The following CTNNA3 variants were observed in gnomAD, a reference collection of about 807,000 sequenced individuals.
The protein encoded by CTNNA3 is catenin alpha-3.
In CTNNA3, 76 loss-of-function variants were observed where a neutral mutation model predicts 95.7. The ratio of observed to expected loss-of-function variants is 0.79; its 90% CI spans 0.66 to 0.96. The LOEUF (loss-of-function observed/expected upper bound fraction) is 0.96, where lower values mean the gene tolerates loss of function less well. Among genes scored for constraint, CTNNA3 ranks in the 40% least tolerant of loss-of-function variants. CTNNA3 has a pLI of 0.00. For synonymous variants in CTNNA3, 431 were observed against 374.4 expected (o/e 1.15, Z -1.74); for missense variants, 1,191 against 1,089.8 (o/e 1.09, Z -1.31).
At chr10:67,360,429 A>C (rs1252034724) in intron 5 of CTNNA3, among the ~76,000 whole-genome samples, 1 of 151,868 alleles carries the variant, frequency 6.6e-6, no homozygotes, top group African/African-American at 2.4e-5. Context: ...AAAAAAAAAA[A>C]AAAAACAAGA....
At chr10:67,662,275 TAATAA>T (rs995381722) in intron 1 of CTNNA3, among the ~76,000 whole-genome samples, 1 of 152,148 alleles carries the variant, frequency 6.6e-6, no homozygotes, top group African/African-American at 2.4e-5. Flanking sequence ...AACAATAACA[TAATAA>T]AATAGAATGA....
At chr10:66,497,155 A>G (rs137996216) in intron 11 of CTNNA3, among the ~76,000 whole-genome samples, 1 of 152,204 alleles carries the variant, frequency 6.6e-6, no homozygotes, top group Admixed American at 6.5e-5. Context: ...TCAATATATA[A>G]ATTTGGGTGG....
chr10:67,409,293 T>C (rs770638244), intron 5 of CTNNA3, among the ~76,000 whole-genome samples: 2 of 152,136 alleles, frequency 1.3e-5, no homozygotes, highest in Non-Finnish European at 2.9e-5. Flanking sequence ...CACGTATGTT[T>C]ATTGCGGCAC....
intron 7 of CTNNA3, among the ~76,000 whole-genome samples, chr10:67,028,648 T>TAA (rs35905009): frequency 0.012 from 1,642 of 142,218 alleles, 20 homozygotes; most frequent in East Asian, 0.033. Context: ...TAGTTCTACT[T>TAA]AAAAAAAAAA....
intron 17 of CTNNA3, among the ~76,000 whole-genome samples, chr10:65,936,152 T>C (rs1020868127): frequency 6.6e-6 from 1 of 152,168 alleles, no homozygotes; most frequent in African/African-American, 2.4e-5. Flanking sequence ...AGTTTACAAT[T>C]GGACTTAGAA....
At chr10:67,691,970 G>A (rs1370025010) in intron 1 of CTNNA3, among the ~76,000 whole-genome samples, 2 of 147,778 alleles carry the variant, frequency 1.4e-5, no homozygotes, top group African/African-American at 2.5e-5. Context: ...CCGGCCAGCC[G>A]CCCCATCCGG....
At chr10:66,040,513 T>C (rs1033011337) in intron 15 of CTNNA3, among the ~76,000 whole-genome samples, 5 of 151,802 alleles carry the variant, frequency 3.3e-5, no homozygotes, top group Non-Finnish European at 7.4e-5. Flanking sequence ...AAAGTAACTA[T>C]GGTACATATA....
intron 12 of CTNNA3, 67 bp downstream of exon 12, chr10:66,379,085 T>C (rs2092816112): frequency 1.5e-6 from 2 of 1,294,120 alleles, no homozygotes; most frequent in Admixed American, 3.4e-5. Context: ...CCCACATGTA[T>C]GAATATTCGT....
rs113490162 is a variant in CTNNA3, at chr10:67,346,519, T to G, written c.580-126649A>C. 7.8e-4 allele frequency among the ~76,000 whole-genome samples: 119 copies of G among 151,708 alleles called. 1 individual carries two copies. The highest frequency in any genetic ancestry group is 2.7e-3 in the African/African-American group (113 of 41,374). Reference sequence around the variant, plus strand: ...CAGATATACTATTCTAGAGTAAAAGTTTTTTTTTCCTTAAGTGCTTTAAAT... The same window carrying G: ...CAGATATACTATTCTAGAGTAAAAGGTTTTTTTTCCTTAAGTGCTTTAAAT... On this transcript the variant is annotated intron_variant, in intron 5 of 17. Coordinates refer to ENST00000433211, the MANE Select transcript of CTNNA3 (RefSeq NM_013266.4).
rs529701389 is a variant in CTNNA3, at chr10:66,867,686, G to A, written c.1048-92162C>T. On this transcript the variant is annotated intron_variant, in intron 7 of 17. Coordinates refer to ENST00000433211, the MANE Select transcript of CTNNA3 (RefSeq NM_013266.4). ...GTCTAAGTTCAAGCCTCACCATGTC[G>A]TTATTGGGAACAAAAAGCAAGTATC... Among the ~76,000 whole-genome samples the A allele has an allele frequency of 8.9e-4, 135 of 152,040 alleles. No individual in the cohort carries two copies. In the South Asian group the frequency reaches 0.025, roughly 29 times the overall value.
rs186919223 is a variant in CTNNA3, at chr10:66,885,240, A to G, written c.1048-109716T>C. Among the ~76,000 whole-genome samples the G allele has an allele frequency of 1.2e-3, 177 of 152,300 alleles. 1 individual carries two copies. Among genetic ancestry groups the G allele is most frequent in the African/African-American group, 4.1e-3 (171 of 41,572 alleles). ...GATTCAGAAGTAGTCTTATTTGGAC[A>G]TATGATATTCAGCAGGACTTTTAAA... On this transcript the variant is annotated intron_variant, in intron 7 of 17. Coordinates refer to ENST00000433211, the MANE Select transcript of CTNNA3 (RefSeq NM_013266.4).
At chr10:67,120,784 C>T (rs1243078807) in intron 7 of CTNNA3, among the ~76,000 whole-genome samples, 6 of 152,034 alleles carry the variant, frequency 3.9e-5, no homozygotes, top group African/African-American at 1.4e-4. Context: ...GAAAAGTTAT[C>T]CTGTTTTGTA....
rs866758989 is a variant in CTNNA3 at position 66,445,236 on chromosome 10, C to T, written c.1532-65884G>A. Reference sequence around the variant, plus strand: ...ACAATAATAATGGGAGACATTAACACCCCACTGTCAACATTAGACAGATTA... The same window carrying T: ...ACAATAATAATGGGAGACATTAACATCCCACTGTCAACATTAGACAGATTA... On this transcript the variant is annotated intron_variant, in intron 11 of 17. Transcript: ENST00000433211. Among the ~76,000 whole-genome samples, 158 of 152,020 alleles carry T rather than the reference C, an allele frequency of 1.0e-3. 1 individual carries two copies. The highest frequency in any genetic ancestry group is 3.4e-3 in the African/African-American group (139 of 41,422).
chr10:66,028,293 C>T (rs1376293790), intron 15 of CTNNA3, among the ~76,000 whole-genome samples: 2 of 152,130 alleles, frequency 1.3e-5, no homozygotes, highest in African/African-American at 4.8e-5. Context: ...AAGACACATG[C>T]ACACATATGT....
intron 7 of CTNNA3, among the ~76,000 whole-genome samples, chr10:66,884,558 T>G (rs1208903064): frequency 6.6e-6 from 1 of 152,128 alleles, no homozygotes; most frequent in Non-Finnish European, 1.5e-5. Flanking sequence ...GAAGCAGATC[T>G]TCCAGTCCCA....
chr10:66,373,850 T>C (rs2092772550), intron 12 of CTNNA3, among the ~76,000 whole-genome samples: 1 of 152,242 alleles, frequency 6.6e-6, no homozygotes, highest in Non-Finnish European at 1.5e-5. Context: ...TCATGATCAA[T>C]TGTTCAAAAG....
rs752254242 is a variant in CTNNA3 at position 67,219,597 on chromosome 10, C to T, written c.843+10G>A. The T allele has an allele frequency of 1.2e-6, 2 of 1,607,250 alleles. No individual in the cohort carries two copies. Among genetic ancestry groups the T allele is most frequent in the East Asian group, 2.2e-5 (1 of 44,726 alleles). On this transcript the variant is annotated intron_variant, in intron 6 of 17. Transcript: ENST00000433211. Reference sequence around the variant, plus strand: ...ACATCAGATCACACTTTATCTTTCTCCCGACTTACCTCCAGCTCATCAAGG... The same window carrying T: ...ACATCAGATCACACTTTATCTTTCTTCCGACTTACCTCCAGCTCATCAAGG...
intron 16 of CTNNA3, among the ~76,000 whole-genome samples, chr10:65,967,455 C>T (rs1173610163): frequency 1.3e-5 from 2 of 152,118 alleles, no homozygotes; most frequent in African/African-American, 4.8e-5. Flanking sequence ...GACTCATGGT[C>T]TCTACACTGT....
intron 5 of CTNNA3, among the ~76,000 whole-genome samples, chr10:67,232,125 G>A (rs894659705): frequency 6.6e-5 from 10 of 152,016 alleles, no homozygotes; most frequent in African/African-American, 2.4e-4. Flanking sequence ...AATCTAGCAA[G>A]GCAGGCCAAC....
Sources: gnomAD v4.1 joint callset for allele counts (sites outside exome capture counted in the v4.1 genomes callset) on GRCh38, gnomAD v4.1.1 for gene constraint, MANE v1.5 for transcripts, NCBI Gene and HGNC (gene_info 2026-07-23, HGNC 2026-07-21) for gene names.